SLC2A13: variants seen among roughly 807,000 people sequenced by gnomAD.
The protein encoded by SLC2A13 is solute carrier family 2 member 13, also known as proton myo-inositol cotransporter.
In SLC2A13, 32 loss-of-function variants were observed where a neutral mutation model predicts 64.4. That is an observed-to-expected ratio of 0.50 (90% CI 0.37 to 0.67). The LOEUF (loss-of-function observed/expected upper bound fraction) is 0.67. Ranked by LOEUF, SLC2A13 falls within the 30% of genes least tolerant of loss-of-function variation. The pLI is 0.00. For synonymous variants in SLC2A13, 338 were observed against 327.1 expected (o/e 1.03, Z -0.36); for missense variants, 743 against 829.2 (o/e 0.90, Z 1.28).
chr12:40,105,165 G>T lies in SLC2A13; in HGVS notation c.556+88C>A. ...CTCTGACCCTGGGAGACCAGACGGG[G>T]ACCCCGATGGGCAAGAGGCACGCAA... On this transcript the variant is annotated intron_variant, in intron 1 of 9. Transcript: ENST00000280871. The surrounding 1 kb of genome is among the most constrained non-coding windows in gnomAD (Gnocchi z 4.2). 2.1e-6 allele frequency: 3 copies of T among 1,422,896 alleles called. No individual in the cohort carries two copies. The highest frequency in any genetic ancestry group is 2.7e-6 in the Non-Finnish European group (3 of 1,094,672). 88.1% of individuals were successfully genotyped at this position (1,422,896 alleles called of 1,614,324 possible). A position where few individuals can be genotyped will look rare whatever the true frequency, so the allele number is the denominator to read the frequency against.
At chr12:39,779,437 T>G (rs1457479438) in intron 7 of SLC2A13, among the ~76,000 whole-genome samples, 1 of 152,178 alleles carries the variant, frequency 6.6e-6, no homozygotes, top group Non-Finnish European at 1.5e-5. Flanking sequence ...TGACCCTCAC[T>G]AGATAGTAAA....
chr12:39,820,288 C>G (rs766909128), intron 7 of SLC2A13, among the ~76,000 whole-genome samples: 3 of 152,134 alleles, frequency 2.0e-5, no homozygotes. Flanking sequence ...GTGAAGGGCA[C>G]TATAATGAAT....
chr12:40,079,298 G>A (rs1938301873), intron 1 of SLC2A13, among the ~76,000 whole-genome samples: 1 of 152,194 alleles, frequency 6.6e-6, no homozygotes. Flanking sequence ...GCATCCCAAA[G>A]ATTCAGGTGA....
chr12:39,819,197 A>T (rs562935968), intron 7 of SLC2A13, among the ~76,000 whole-genome samples: 12 of 152,196 alleles, frequency 7.9e-5, no homozygotes, highest in Non-Finnish European at 1.5e-4. Flanking sequence ...TGAAATTTTC[A>T]TCAAGAACAA....
chr12:39,890,333 C>T (rs1208524399), intron 4 of SLC2A13, among the ~76,000 whole-genome samples: 2 of 152,056 alleles, frequency 1.3e-5, no homozygotes, highest in Non-Finnish European at 2.9e-5. Flanking sequence ...AAAAAAAATA[C>T]ATTGTGGCAG....
At chr12:40,001,313 AT>A (rs1947318331) in intron 3 of SLC2A13, among the ~76,000 whole-genome samples, 1 of 152,248 alleles carries the variant, frequency 6.6e-6, no homozygotes, top group South Asian at 2.1e-4. Context: ...AAAGTGAGCT[AT>A]AAAAAAGACA....
At chr12:39,860,693 C>T (rs2135917146) in intron 6 of SLC2A13, among the ~76,000 whole-genome samples, 1 of 152,300 alleles carries the variant, frequency 6.6e-6, no homozygotes, top group South Asian at 2.1e-4. Flanking sequence ...ACTCCTTCCT[C>T]CTATGGCCAC....
At chr12:39,955,331 GCTAAAGTGTAA>G (rs1946297752) in intron 3 of SLC2A13, among the ~76,000 whole-genome samples, 1 of 152,170 alleles carries the variant, frequency 6.6e-6, no homozygotes, top group Admixed American at 6.5e-5. Flanking sequence ...GTGGAATGGA[GCTAAAGTGTAA>G]CAGGTAAAAT....
intron 3 of SLC2A13, among the ~76,000 whole-genome samples, chr12:40,024,352 A>G (rs1947770309): frequency 6.6e-6 from 1 of 152,222 alleles, no homozygotes; most frequent in East Asian, 1.9e-4. Flanking sequence ...AGTCTGGTAC[A>G]TGTACACTTT....
At chr12:40,006,661 T>C (rs1947424814) in intron 3 of SLC2A13, among the ~76,000 whole-genome samples, 1 of 152,184 alleles carries the variant, frequency 6.6e-6, no homozygotes, top group Admixed American at 6.5e-5. Context: ...GGTGAAGGTC[T>C]CCATATCAGA....
intron 3 of SLC2A13, among the ~76,000 whole-genome samples, chr12:39,989,006 TTG>T (rs1374609337): frequency 6.6e-6 from 1 of 152,184 alleles, no homozygotes; most frequent in Non-Finnish European, 1.5e-5. Context: ...GATTCCACCA[TTG>T]TCTCACTCCA....
intron 3 of SLC2A13, among the ~76,000 whole-genome samples, chr12:39,958,364 T>G (rs73280615): frequency 6.6e-6 from 1 of 152,202 alleles, no homozygotes; most frequent in Non-Finnish European, 1.5e-5. Flanking sequence ...AGTCCTACAA[T>G]GTAGCCACTG....
intron 4 of SLC2A13, among the ~76,000 whole-genome samples, chr12:39,943,063 T>C (rs1946065786): frequency 6.6e-6 from 1 of 152,214 alleles, no homozygotes; most frequent in African/African-American, 2.4e-5. Context: ...CCAGGCCATC[T>C]GCCTGTATCA....
intron 3 of SLC2A13, among the ~76,000 whole-genome samples, chr12:40,005,735 C>A (rs1167686011): frequency 6.6e-6 from 1 of 152,184 alleles, no homozygotes; most frequent in Non-Finnish European, 1.5e-5. Context: ...CTAAAATCCA[C>A]TAAGTGGCAG....
At position 40,105,670 on chromosome 12, in the gene SLC2A13, A is replaced by C. The variant is rs1939287508; in HGVS notation, c.139T>G (p.Ser47Ala). The C allele has an allele frequency of 1.3e-6, 2 of 1,491,228 alleles. No homozygotes were observed. The highest frequency in any genetic ancestry group is 2.9e-5 in the African/African-American group (2 of 68,006). 92.4% of individuals were successfully genotyped at this position (1,491,228 alleles called of 1,614,324 possible). Residue 47 changes from serine to alanine, a missense_variant, in exon 1 of 10, where the codon TCG becomes GCG. Ser to Ala is a moderately conservative substitution (Grantham distance 99). Around this residue, in one of 2 missense-constraint regions of SLC2A13, gnomAD observed 448 missense variants for 447.4 expected, o/e 1.00. Transcript: ENST00000280871. The surrounding 1 kb of genome is among the most constrained non-coding windows in gnomAD (Gnocchi z 4.2). ...GECSLLAAAE[S>A]STSLQSAGAG... Reference sequence around the variant, plus strand: ...CCCGCGCTCTGCAGGCTGGTGCTCGATTCGGCGGCAGCCAGGAGGCTGCAC... The same window carrying C: ...CCCGCGCTCTGCAGGCTGGTGCTCGCTTCGGCGGCAGCCAGGAGGCTGCAC...
chr12:40,102,837 T>C (rs1320386267), intron 1 of SLC2A13, among the ~76,000 whole-genome samples: 2 of 152,260 alleles, frequency 1.3e-5, no homozygotes, highest in Admixed American at 6.5e-5. Context: ...TAAGTTTTAA[T>C]GATTTTATGT....
At chr12:40,013,779 G>T (rs1469022876) in intron 3 of SLC2A13, among the ~76,000 whole-genome samples, 1 of 152,188 alleles carries the variant, frequency 6.6e-6, no homozygotes, top group Non-Finnish European at 1.5e-5. Flanking sequence ...CGCAGGCACT[G>T]TATTTCCCTC....
chr12:40,051,779 G>A (rs1948260542), intron 1 of SLC2A13, among the ~76,000 whole-genome samples: 1 of 152,090 alleles, frequency 6.6e-6, no homozygotes, highest in Non-Finnish European at 1.5e-5. Flanking sequence ...TTAGAGAAAT[G>A]GGCAAGGATC....
At chr12:39,944,936 C>T (rs1282694799) in intron 4 of SLC2A13, among the ~76,000 whole-genome samples, 1 of 151,936 alleles carries the variant, frequency 6.6e-6, no homozygotes, top group East Asian at 1.9e-4. Flanking sequence ...TTTTAATGTG[C>T]ATTTTTGTTT....
Sources: allele counts gnomAD v4.1 joint callset (sites outside exome capture counted in the v4.1 genomes callset), GRCh38; gene constraint gnomAD v4.1.1; regional missense constraint gnomAD v4.1.1; non-coding constraint Gnocchi (gnomAD v3.1); transcripts MANE v1.5; gene names NCBI Gene and HGNC (gene_info 2026-07-23, HGNC 2026-07-21).